SEMA3A: variants seen among roughly 807,000 people sequenced by gnomAD.
SEMA3A encodes the protein semaphorin-3A.
Under a neutral mutation model 97.9 loss-of-function variants are expected in SEMA3A, and 29 were observed. The ratio of observed to expected loss-of-function variants is 0.30; its 90% CI spans 0.22 to 0.40. SEMA3A has a LOEUF of 0.40. Ranked by LOEUF, SEMA3A falls within the 10% of genes least tolerant of loss-of-function variation. SEMA3A has a pLI of 1.00. For synonymous variants in SEMA3A, 321 were observed against 323.7 expected, an observed-to-expected ratio of 0.99 and a Z score of 0.09; for missense variants, 763 against 951.3, an observed-to-expected ratio of 0.80 and a Z score of 2.60.
At chr7:84,138,376 G>A (rs1796206335) in intron 1 of SEMA3A, among the ~76,000 whole-genome samples, 1 of 152,042 alleles carries the variant, frequency 6.6e-6, no homozygotes, top group African/African-American at 2.4e-5. Context: ...ATTCCTTCTT[G>A]TTTTCCAGTT....
rs1795248918 is a variant in SEMA3A at position 84,110,579 on chromosome 7, G to T, written c.344C>A (p.Ala115Asp). ...TGCCTTAAGTACCTTGATGAAATTA[G>T]CACATTCTTTCTGTAAGACAAAAGG... ...WAGKDILKECANFIKVLKAYN... is the reference protein window; with the variant it reads ...WAGKDILKECDNFIKVLKAYN... The change falls in exon 4 of 17, where the codon GCT (alanine) becomes GAT (aspartate). Residue 115 changes from alanine (A) to aspartate (D), a missense_variant. Around this residue, in one of 2 missense-constraint regions of SEMA3A, gnomAD observed 678 missense variants for 881.3 expected, o/e 0.77. Transcript: ENST00000265362. The T allele has an allele frequency of 6.2e-7, 1 of 1,613,490 alleles. No homozygotes were observed. The highest frequency in any genetic ancestry group is 1.3e-5 in the African/African-American group (1 of 74,872).
intron 1 of SEMA3A, among the ~76,000 whole-genome samples, chr7:84,192,462 A>T (rs1562843797): frequency 6.6e-6 from 1 of 151,936 alleles, no homozygotes; most frequent in African/African-American, 2.4e-5. Flanking sequence ...GCTGTAAAGC[A>T]GTTTTTTACT....
At chr7:84,398,807 T>TA (rs950287532) in intron 1 of SEMA3A, among the ~76,000 whole-genome samples, 17 of 151,634 alleles carry the variant, frequency 1.1e-4, no homozygotes, top group African/African-American at 1.5e-4. Context: ...GACTGTTTCT[T>TA]AAAAAAATAA....
At chr7:84,293,105 A>G (rs552100138) in intron 3 of SEMA3A, among the ~76,000 whole-genome samples, 2 of 152,164 alleles carry the variant, frequency 1.3e-5, no homozygotes, top group African/African-American at 2.4e-5. Context: ...GGTGATGGAT[A>G]AGGAAGAAAA....
At chr7:83,992,739 G>A (rs1302689246) in intron 12 of SEMA3A, among the ~76,000 whole-genome samples, 1 of 151,960 alleles carries the variant, frequency 6.6e-6, no homozygotes, top group African/African-American at 2.4e-5. Flanking sequence ...TCCCTTCCAA[G>A]TATGTGGTCA....
chr7:84,163,538 G>T (rs573978576), intron 1 of SEMA3A, among the ~76,000 whole-genome samples: 1 of 152,142 alleles, frequency 6.6e-6, no homozygotes, highest in Non-Finnish European at 1.5e-5. Flanking sequence ...TATCAACGAC[G>T]CATAGAAATA....
intron 1 of SEMA3A, among the ~76,000 whole-genome samples, chr7:84,386,462 A>C (rs990901454): frequency 6.6e-6 from 1 of 152,132 alleles, no homozygotes; most frequent in Non-Finnish European, 1.5e-5. Flanking sequence ...GAGACACATG[A>C]TGCTTCCTCC....
intron 3 of SEMA3A, among the ~76,000 whole-genome samples, chr7:84,243,201 T>C (rs1799406018): frequency 1.3e-5 from 2 of 152,206 alleles, no homozygotes; most frequent in African/African-American, 2.4e-5. Context: ...TTCTATTGCT[T>C]GGAGTAGTTT....
chr7:84,069,729 C>T (rs1030803021), intron 4 of SEMA3A, among the ~76,000 whole-genome samples: 3 of 151,596 alleles, frequency 2.0e-5, no homozygotes, highest in South Asian at 2.1e-4. Flanking sequence ...AAAGTTACAA[C>T]ATTACATAGA....
At chr7:84,062,770 C>T (rs1793294677) in intron 4 of SEMA3A, among the ~76,000 whole-genome samples, 1 of 152,224 alleles carries the variant, frequency 6.6e-6, no homozygotes, top group Non-Finnish European at 1.5e-5. Flanking sequence ...GAGGGTCCTA[C>T]ACCCACGGAG....
chr7:84,367,820 A>C (rs1043289208), intron 2 of SEMA3A, among the ~76,000 whole-genome samples: 3 of 151,186 alleles, frequency 2.0e-5, no homozygotes, highest in Non-Finnish European at 3.0e-5. Context: ...AGCTAAAGAA[A>C]CTGCATTGAA....
rs1191795342 is a variant in SEMA3A, at chr7:84,060,545, T to A, written c.467A>T (p.Lys156Met). The change falls in exon 5 of 17, where the codon AAG (lysine) becomes ATG (methionine). Residue 156 changes from lysine to methionine, a missense_variant. By Grantham distance (95) the Lys-to-Met change is moderately conservative. Around this residue, in one of 2 missense-constraint regions of SEMA3A, gnomAD observed 678 missense variants for 881.3 expected, o/e 0.77. Transcript: ENST00000265362. ...GTTTTCAAAATGTGAGTTCTCCAGC[T>A]TAAAAATATTGTCCTGTGGATTTAA... is the stretch of plus-strand genomic sequence containing the variant. ...IGHHPEDNIFKLENSHFENGR... is the reference protein window; with the variant it reads ...IGHHPEDNIFMLENSHFENGR... The A allele has an allele frequency of 1.9e-6, 3 of 1,589,756 alleles. No homozygotes were observed. Among genetic ancestry groups the A allele is most frequent in the Non-Finnish European group, 2.6e-6 (3 of 1,171,052 alleles).
intron 3 of SEMA3A, among the ~76,000 whole-genome samples, chr7:84,255,376 T>C (rs913346635): frequency 3.3e-5 from 5 of 152,026 alleles, no homozygotes; most frequent in African/African-American, 1.2e-4. Context: ...AGGATTTCCA[T>C]CCAGACTATC....
At chr7:84,407,382 T>C (rs377719640) in intron 1 of SEMA3A, among the ~76,000 whole-genome samples, 5 of 151,856 alleles carry the variant, frequency 3.3e-5, no homozygotes, top group African/African-American at 1.2e-4. Flanking sequence ...CACTGCTCAA[T>C]GAAATAAAAG....
intron 9 of SEMA3A, among the ~76,000 whole-genome samples, chr7:84,008,041 GCT>G (rs1491008969): frequency 3.3e-5 from 5 of 150,476 alleles, no homozygotes. Context: ...CTTAAAATCA[GCT>G]CTTTCTAACA....
At position 84,072,942 on chromosome 7, in the gene SEMA3A, G is replaced by C. The variant is rs561347503; in HGVS notation, c.454-12384C>G. 3.3e-5 allele frequency among the ~76,000 whole-genome samples: 5 copies of C among 152,112 alleles called. No individual in the cohort carries two copies. In the South Asian group the frequency reaches 8.3e-4, roughly 25 times the overall value. The stretch of plus-strand genomic sequence containing the variant: ...TTTGCCTATAACATCAAATCACAAA[G>C]CTAATAATGGAGGGAATAAGAATTC... On this transcript the variant is annotated intron_variant, in intron 4 of 16. Coordinates refer to ENST00000265362, the MANE Select transcript of SEMA3A (RefSeq NM_006080.3).
At chr7:84,093,420 T>A (rs1794655624) in intron 4 of SEMA3A, among the ~76,000 whole-genome samples, 1 of 152,160 alleles carries the variant, frequency 6.6e-6, no homozygotes, top group South Asian at 2.1e-4. Context: ...GAACTTGTTC[T>A]GAAGAAGTAA....
At chr7:84,016,805 G>A (rs537193416) in intron 6 of SEMA3A, among the ~76,000 whole-genome samples, 11 of 152,204 alleles carry the variant, frequency 7.2e-5, no homozygotes, top group Middle Eastern at 3.4e-3. Flanking sequence ...TATTAACATC[G>A]TTATGATGAT....
chr7:84,022,142 T>C (rs1791352456), intron 6 of SEMA3A, among the ~76,000 whole-genome samples: 1 of 152,250 alleles, frequency 6.6e-6, no homozygotes, highest in South Asian at 2.1e-4. Flanking sequence ...CTAAGAACAA[T>C]GCATATTTGG....
Sources: gnomAD v4.1 joint callset for allele counts (sites outside exome capture counted in the v4.1 genomes callset) on GRCh38, gnomAD v4.1.1 for gene constraint, gnomAD v4.1.1 regional missense constraint, MANE v1.5 for transcripts, NCBI Gene and HGNC (gene_info 2026-07-23, HGNC 2026-07-21) for gene names.